Variants in ZNF385D observed in about 807,000 individuals in gnomAD.
ZNF385D encodes zinc finger protein 385D, also known as zinc finger protein 659.
In ZNF385D, 15 loss-of-function variants were observed where a neutral mutation model predicts 35.8. That is an observed-to-expected ratio of 0.42 (90% CI 0.28 to 0.64). The LOEUF is 0.64. ZNF385D is among the 30% of genes least tolerant of loss of function. The pLI is 0.23. For synonymous variants in ZNF385D, 212 were observed against 186.8 expected (o/e 1.13, Z -1.10); for missense variants, 474 against 494.6 (o/e 0.96, Z 0.39).
chr3:21,949,546 C>CTTTTTTTTTTTTTTTTTT (rs1553705221), intron 3 of ZNF385D, among the ~76,000 whole-genome samples: 8 of 31,100 alleles, frequency 2.6e-4, no homozygotes, highest in East Asian at 7.5e-4. Context: ...TCCTTCTTTT[C>CTTTTTTTTTTTTTTTTTT]TTTCTTTCTT....
chr3:22,303,229 G>A (rs775775671), intron 2 of ZNF385D, among the ~76,000 whole-genome samples: 10 of 152,118 alleles, frequency 6.6e-5, no homozygotes, highest in Non-Finnish European at 1.2e-4. Context: ...TGTTTTAGTA[G>A]AGTGGCTTAT....
At chr3:21,577,310 T>C (rs1171862487) in intron 2 of ZNF385D, among the ~76,000 whole-genome samples, 1 of 152,244 alleles carries the variant, frequency 6.6e-6, no homozygotes, top group East Asian at 1.9e-4. Context: ...TCCTCCAGGA[T>C]CATCCATGTT....
At chr3:21,693,171 A>G (rs2067341060) in intron 1 of ZNF385D, among the ~76,000 whole-genome samples, 1 of 152,148 alleles carries the variant, frequency 6.6e-6, no homozygotes, top group Non-Finnish European at 1.5e-5. Flanking sequence ...ATGGAAGCTG[A>G]GTTCACATAC....
intron 3 of ZNF385D, among the ~76,000 whole-genome samples, chr3:22,154,212 C>A (rs1462706464): frequency 6.6e-6 from 1 of 152,110 alleles, no homozygotes; most frequent in East Asian, 1.9e-4. Context: ...TGAAGGCCTG[C>A]CACTACAATT....
At chr3:21,679,012 C>A (rs2066815553) in intron 1 of ZNF385D, among the ~76,000 whole-genome samples, 1 of 151,882 alleles carries the variant, frequency 6.6e-6, no homozygotes, top group African/African-American at 2.4e-5. Context: ...ACCCACCCCC[C>A]AACCCCATCC....
At chr3:22,103,335 T>A (rs945472780) in intron 3 of ZNF385D, among the ~76,000 whole-genome samples, 5 of 151,956 alleles carry the variant, frequency 3.3e-5, no homozygotes, top group Non-Finnish European at 1.5e-5. Flanking sequence ...AACACAGTAA[T>A]TTTTCAGTCA....
intron 1 of ZNF385D, among the ~76,000 whole-genome samples, chr3:21,750,091 C>T (rs1475139388): frequency 1.3e-5 from 2 of 152,180 alleles, no homozygotes; most frequent in African/African-American, 2.4e-5. Flanking sequence ...AATATTCAGT[C>T]CTTATCTTTG....
chr3:22,080,767 T>C (rs999000805), intron 3 of ZNF385D, among the ~76,000 whole-genome samples: 5 of 152,106 alleles, frequency 3.3e-5, no homozygotes, highest in Non-Finnish European at 7.4e-5. Flanking sequence ...AATTAGATTA[T>C]GAGGGTGGTG....
At chr3:22,069,467 G>A (rs983904377) in intron 3 of ZNF385D, among the ~76,000 whole-genome samples, 4 of 152,208 alleles carry the variant, frequency 2.6e-5, no homozygotes, top group African/African-American at 9.6e-5. Flanking sequence ...TGAATGTATA[G>A]TGCATAGGCA....
At chr3:21,956,694 G>A (rs1010291601) in intron 3 of ZNF385D, among the ~76,000 whole-genome samples, 1 of 150,864 alleles carries the variant, frequency 6.6e-6, no homozygotes, top group Non-Finnish European at 1.5e-5. Context: ...TTTCGTCATT[G>A]GAGTAAGTGT....
intron 3 of ZNF385D, among the ~76,000 whole-genome samples, chr3:21,918,821 G>A (rs1445022033): frequency 2.6e-5 from 4 of 152,064 alleles, no homozygotes; most frequent in African/African-American, 9.7e-5. Context: ...TTTTCAGAAT[G>A]AAATGACTTC....
intron 2 of ZNF385D, among the ~76,000 whole-genome samples, chr3:22,357,881 C>A (rs1194273413): frequency 6.6e-6 from 1 of 151,864 alleles, no homozygotes; most frequent in Non-Finnish European, 1.5e-5. Flanking sequence ...TGGAGAATTG[C>A]AATTCTTCCA....
At chr3:21,523,661 G>A (rs1026824252) in intron 3 of ZNF385D, among the ~76,000 whole-genome samples, 1 of 152,192 alleles carries the variant, frequency 6.6e-6, no homozygotes, top group African/African-American at 2.4e-5. Flanking sequence ...TAGGAAGTAT[G>A]CTTGGGAATA....
intron 1 of ZNF385D, among the ~76,000 whole-genome samples, chr3:21,717,936 G>T (rs186237452): frequency 1.3e-5 from 2 of 152,076 alleles, no homozygotes; most frequent in Non-Finnish European, 1.5e-5. Flanking sequence ...TCAAATTCTC[G>T]TCTGCATCAG....
chr3:22,110,203 G>C (rs1421768168), intron 3 of ZNF385D, among the ~76,000 whole-genome samples: 1 of 152,088 alleles, frequency 6.6e-6, no homozygotes, highest in African/African-American at 2.4e-5. Context: ...CTGTAAACTA[G>C]TTCAACCATT....
intron 2 of ZNF385D, among the ~76,000 whole-genome samples, chr3:22,337,733 T>G (rs73039289): frequency 0.03 from 4,519 of 152,270 alleles, 83 homozygotes; most frequent in South Asian, 0.078. Context: ...CCTCCTTTTT[T>G]GCTTTTATTT....
chr3:22,157,935 T>C (rs1705696848), intron 3 of ZNF385D, among the ~76,000 whole-genome samples: 1 of 152,130 alleles, frequency 6.6e-6, no homozygotes, highest in African/African-American at 2.4e-5. Context: ...AGAGTCTAGA[T>C]GTCCTTTACA....
intron 2 of ZNF385D, 43 bp downstream of exon 2, chr3:21,664,843 A>G: frequency 6.2e-7 from 1 of 1,612,558 alleles, no homozygotes; most frequent in Non-Finnish European, 8.5e-7. Context: ...TTAGTTTTCC[A>G]ATACCTTCCA....
Position 21,706,814 on chromosome 3 carries a change from TGATAGATAGATAGATAGATAGATA to T in ZNF385D, c.23-41810_23-41787del, listed in dbSNP as rs67457933. Among the ~76,000 whole-genome samples, 17 of 150,328 alleles carry T rather than the reference TGATAGATAGATAGATAGATAGATA, an allele frequency of 1.1e-4. No individual in the cohort carries two copies. The East Asian group carries it at 2.4e-3, about 21-fold the overall frequency. On this transcript the variant is annotated intron_variant, in intron 1 of 7. Coordinates refer to ENST00000281523, the MANE Select transcript of ZNF385D (RefSeq NM_024697.3). ...TTTAGATAGACACAAAGATAATAGA[TGATAGATAGATAGATAGATAGATA>T]GATAGATAGATAGATAAATAGATTA...
Sources: allele counts gnomAD v4.1 joint callset (sites outside exome capture counted in the v4.1 genomes callset), GRCh38; gene constraint gnomAD v4.1.1; transcripts MANE v1.5; gene names NCBI Gene and HGNC (gene_info 2026-07-23, HGNC 2026-07-21).